Variants in PCDHGA6 observed in about 807,000 individuals in gnomAD.
PCDHGA6 encodes the protein protocadherin gamma-A6.
PCDHGA6 carries 41 observed loss-of-function variants against 60.6 expected under a neutral mutation model. The observed-to-expected ratio is 0.68, with a 90% CI of 0.53 to 0.88. PCDHGA6 has a LOEUF of 0.88. PCDHGA6 is among the 40% of genes least tolerant of loss of function. The pLI is 0.00. For missense variants in PCDHGA6, 1,312 were observed against 1,203.0 expected (o/e 1.09, Z -1.34); for synonymous variants, 594 against 524.4 (o/e 1.13, Z -1.81).
Position 141,376,210 on chromosome 5 carries a change from C to G in PCDHGA6, c.2127C>G (p.Ile709Met), listed in dbSNP as rs112869528. 6.2e-7 allele frequency: 1 copy of G among 1,614,162 alleles called. No homozygotes were observed. The highest frequency in any genetic ancestry group is 8.5e-7 in the Non-Finnish European group (1 of 1,180,036). Reference sequence around the variant, plus strand: ...CCTGCGTCTTCCTGGCCTTCGTCATCGTGCTGCTGGCGCTCAGACTGCAGC... The same window carrying G: ...CCTGCGTCTTCCTGGCCTTCGTCATGGTGCTGCTGGCGCTCAGACTGCAGC... Reference protein sequence around the residue: ...AVSCVFLAFVIVLLALRLQRW... With the variant: ...AVSCVFLAFVMVLLALRLQRW... The change falls in exon 1 of 4, where the codon ATC becomes ATG. Residue 709 changes from isoleucine (I) to methionine (M), a missense_variant. Physicochemically the swap from Ile to Met is conservative, Grantham distance 10 (BLOSUM62 1). Coordinates refer to ENST00000517434, the MANE Select transcript of PCDHGA6 (RefSeq NM_018919.3).
rs1478890031 is a variant in PCDHGA6, at chr5:141,478,689, C to G, written c.2425-16118C>G. On this transcript the variant is annotated intron_variant, in intron 1 of 3. Coordinates refer to ENST00000517434, the MANE Select transcript of PCDHGA6 (RefSeq NM_018919.3). Reference sequence around the variant, plus strand: ...CACTTTCAACTGGCCCTTCCTAGATCAAAGTTAGTGCCTTTGTGAGATGGT... The same window carrying G: ...CACTTTCAACTGGCCCTTCCTAGATGAAAGTTAGTGCCTTTGTGAGATGGT... 3 of 1,550,866 alleles carry G rather than the reference C, an allele frequency of 1.9e-6. No homozygotes were observed. In the African/African-American group the frequency reaches 4.1e-5, roughly 21 times the overall value.
intron 2 of PCDHGA6, among the ~76,000 whole-genome samples, chr5:141,502,947 G>A (rs933409229): frequency 3.0e-4 from 45 of 151,030 alleles, no homozygotes; most frequent in Admixed American, 1.8e-3. Context: ...GGGTTCAAGC[G>A]ATTCTCCTGC....
chr5:141,468,486 TG>T (rs1562016448), intron 1 of PCDHGA6: 14 of 152,288 alleles, frequency 9.2e-5, no homozygotes. Context: ...GTAGGTCTCA[TG>T]GAAGATTTTC....
chr5:141,443,136 C>T (rs910953831), intron 1 of PCDHGA6, among the ~76,000 whole-genome samples: 1 of 152,160 alleles, frequency 6.6e-6, no homozygotes, highest in African/African-American at 2.4e-5. Context: ...AGAACACTAT[C>T]ATAAGTTATA....
chr5:141,400,387 C>T, intron 1 of PCDHGA6: 2 of 1,614,068 alleles, frequency 1.2e-6, no homozygotes, highest in Non-Finnish European at 1.7e-6. Context: ...ATGTGTTGCA[C>T]ATACAGGAAA....
At chr5:141,385,186 T>C in intron 1 of PCDHGA6, 1 of 1,614,218 alleles carries the variant, frequency 6.2e-7, no homozygotes. Context: ...CACCGCGGAC[T>C]CTCGGAAGAG....
intron 2 of PCDHGA6, among the ~76,000 whole-genome samples, chr5:141,499,182 C>T (rs980293990): frequency 5.3e-5 from 8 of 152,114 alleles, no homozygotes; most frequent in African/African-American, 1.7e-4. Flanking sequence ...GCCCAGCAAA[C>T]CATTTCCCCC....
rs368927472 is a variant in PCDHGA6 at position 141,490,874 on chromosome 5, A to G, written c.2425-3933A>G. The G allele has an allele frequency of 2.4e-5, 39 of 1,613,830 alleles. No individual in the cohort carries two copies. Among genetic ancestry groups the G allele is most frequent in the Non-Finnish European group, 3.1e-5 (36 of 1,179,960 alleles). ...CGAGACTCCGGCTCTCCCCCATTGCATGCCAACACATCTCTGCATGTGTTT... is the reference window on the plus strand; with the variant it reads ...CGAGACTCCGGCTCTCCCCCATTGCGTGCCAACACATCTCTGCATGTGTTT... On this transcript the variant is annotated intron_variant, in intron 1 of 3. Transcript: ENST00000517434. This position sits in a 1 kb window ranked among gnomAD's most constrained non-coding sequence, Gnocchi z 5.4.
chr5:141,474,962 A>G (rs954703806), intron 1 of PCDHGA6, among the ~76,000 whole-genome samples: 3 of 152,256 alleles, frequency 2.0e-5, no homozygotes, highest in Non-Finnish European at 4.4e-5. Flanking sequence ...CACTATCCTA[A>G]TCATTATAAT....
At chr5:141,456,819 C>A (rs1453433865) in intron 1 of PCDHGA6, among the ~76,000 whole-genome samples, 1 of 151,982 alleles carries the variant, frequency 6.6e-6, no homozygotes, top group Non-Finnish European at 1.5e-5. Flanking sequence ...AAAAAATTAG[C>A]CATCGTGGTA....
At chr5:141,501,328 CA>C (rs1446948770) in intron 2 of PCDHGA6, among the ~76,000 whole-genome samples, 83 of 151,828 alleles carry the variant, frequency 5.5e-4, no homozygotes, top group Admixed American at 2.2e-3. Context: ...CACACACACA[CA>C]CACACCCCAA....
rs375834520 is a variant in PCDHGA6, at chr5:141,389,526, G to A, written c.2424+13019G>A. 145 of 1,613,070 alleles carry A rather than the reference G, an allele frequency of 9.0e-5. No homozygotes were observed. Among genetic ancestry groups the A allele is most frequent in the Non-Finnish European group, 1.2e-4 (141 of 1,179,758 alleles). ...GCTCAGCGCGAACGTGAGCCTGCGC[G>A]TGTTAGTGGACGACCGCAACGACAA... On this transcript the variant is annotated intron_variant, in intron 1 of 3. Coordinates refer to ENST00000517434, the MANE Select transcript of PCDHGA6 (RefSeq NM_018919.3).
chr5:141,429,528 A>T (rs1405050386), intron 1 of PCDHGA6, among the ~76,000 whole-genome samples: 1 of 152,166 alleles, frequency 6.6e-6, no homozygotes, highest in African/African-American at 2.4e-5. Context: ...AAAAAAGCTT[A>T]AAAAAATAAG....
intron 1 of PCDHGA6, chr5:141,396,045 C>G (rs2093338007): frequency 6.6e-6 from 1 of 152,166 alleles, no homozygotes; most frequent in Non-Finnish European, 1.5e-5. Context: ...TATTTCAATA[C>G]AATTCCAATT....
chr5:141,424,538 A>G (rs547426760), intron 1 of PCDHGA6: 37 of 152,340 alleles, frequency 2.4e-4, no homozygotes, highest in African/African-American at 8.9e-4. Context: ...TATAGAAATA[A>G]CTTGATTTTG....
At chr5:141,385,779 A>G (rs956234823) in intron 1 of PCDHGA6, 3 of 161,336 alleles carry the variant, frequency 1.9e-5, no homozygotes, top group Admixed American at 1.8e-4. Context: ...GCCTCCATGT[A>G]CCTCAGCTTG....
At chr5:141,501,147 G>A (rs1166199034) in intron 2 of PCDHGA6, among the ~76,000 whole-genome samples, 1 of 152,142 alleles carries the variant, frequency 6.6e-6, no homozygotes, top group Non-Finnish European at 1.5e-5. Context: ...GATTACAGGT[G>A]GGAGCCACCA....
chr5:141,498,625 T>C (rs1327552423), intron 2 of PCDHGA6, among the ~76,000 whole-genome samples: 1 of 152,176 alleles, frequency 6.6e-6, no homozygotes, highest in Non-Finnish European at 1.5e-5. Context: ...TGGGTCACAC[T>C]GCCTAGACAG....
Position 141,489,089 on chromosome 5 carries a change from A to G in PCDHGA6, c.2425-5718A>G. 5.6e-5 allele frequency: 16 copies of G among 284,404 alleles called. No individual in the cohort carries two copies. The highest frequency in any genetic ancestry group is 9.0e-5 in the Non-Finnish European group (14 of 156,416). The allele number at this position is 284,404 out of a possible 1,614,324, so 17.6% of individuals were successfully genotyped here. On this transcript the variant is annotated intron_variant, in intron 1 of 3. Coordinates refer to ENST00000517434, the MANE Select transcript of PCDHGA6 (RefSeq NM_018919.3). The surrounding 1 kb of genome is among the most constrained non-coding windows in gnomAD (Gnocchi z 4.5). ...CCCTGCCCACCCCCGCCACTCGGTG[A>G]CTAAGAACTGCTGCAAGCAGGCAAA...
Sources: allele counts gnomAD v4.1 joint callset (sites outside exome capture counted in the v4.1 genomes callset), GRCh38; gene constraint gnomAD v4.1.1; non-coding constraint Gnocchi (gnomAD v3.1); transcripts MANE v1.5; gene names NCBI Gene and HGNC (gene_info 2026-07-23, HGNC 2026-07-21).